The following XKR7 variants were observed in gnomAD, a reference collection of about 807,000 sequenced individuals.
XKR7 encodes the protein XK related 7.
Under a neutral mutation model 42.2 loss-of-function variants are expected in XKR7, and 11 were observed. The ratio of observed to expected loss-of-function variants is 0.26; its 90% confidence interval spans 0.16 to 0.43. The LOEUF is 0.43. Ranked by LOEUF, XKR7 falls within the 20% of genes least tolerant of loss-of-function variation. The pLI is 1.00. For synonymous variants in XKR7, 346 were observed against 366.4 expected, an observed-to-expected ratio of 0.94 and a Z score of 0.64; for missense variants, 710 against 802.2, an observed-to-expected ratio of 0.89 and a Z score of 1.39.
chr20:31,985,869 A>T, intron 1 of XKR7, among the ~76,000 whole-genome samples: 1 of 142,662 alleles, frequency 7.0e-6, no homozygotes. Flanking sequence ...CCCAGCATCC[A>T]GACACAGACA....
chr20:31,996,459 G>T (rs1600663816), intron 2 of XKR7, 46 bp from the exon 3 acceptor site: 5 of 261,516 alleles, frequency 1.9e-5, no homozygotes, highest in Non-Finnish European at 2.5e-5. Context: ...CCCAACCCGA[G>T]CCCGCCCCTA....
At chr20:31,986,566 C>A (rs2064541556) in intron 1 of XKR7, among the ~76,000 whole-genome samples, 2 of 87,920 alleles carry the variant, frequency 2.3e-5, no homozygotes. Context: ...ACAGACAGAC[C>A]ACCAAGCAGA....
Position 31,995,209 on chromosome 20 carries a change from G to A in XKR7, c.726G>A (p.Pro242=). ...TGGAGACCTTCCTGCGCAGCGCGCCGCAGCTAGTGCTGCAGCTCAGCCTGC... is the reference window on the plus strand; with the variant it reads ...TGGAGACCTTCCTGCGCAGCGCGCCACAGCTAGTGCTGCAGCTCAGCCTGC... ...RLLETFLRSA[P]QLVLQLSLLV... is the part of the protein sequence containing the mutation. Residue 242 remains proline (P), a synonymous_variant, in exon 2 of 3, where the codon CCG becomes CCA. Transcript: ENST00000562532. This position sits in a 1 kb window ranked among gnomAD's most constrained non-coding sequence, Gnocchi z 4.1. 6.5e-7 allele frequency: 1 copy of A among 1,545,552 alleles called. No homozygotes were observed. The highest frequency in any genetic ancestry group is 2.4e-5 in the East Asian group (1 of 40,942).
chr20:31,984,588 C>T (rs1033587398), intron 1 of XKR7, among the ~76,000 whole-genome samples: 2 of 152,214 alleles, frequency 1.3e-5, no homozygotes, highest in Non-Finnish European at 2.9e-5. Flanking sequence ...CATCGAGGAG[C>T]TGGGCTTTCC....
chr20:31,971,493 T>C (rs1336776913), intron 1 of XKR7, among the ~76,000 whole-genome samples: 1 of 152,172 alleles, frequency 6.6e-6, no homozygotes, highest in African/African-American at 2.4e-5. Context: ...CCAGAGAAGG[T>C]ATAGAGAAGC....
At chr20:31,981,577 A>T (rs1237003343) in intron 1 of XKR7, among the ~76,000 whole-genome samples, 1 of 152,088 alleles carries the variant, frequency 6.6e-6, no homozygotes, top group Non-Finnish European at 1.5e-5. Flanking sequence ...CTGTAATCCC[A>T]GCTACTCGGG....
intron 1 of XKR7, among the ~76,000 whole-genome samples, chr20:31,986,937 C>A (rs1032224379): frequency 6.7e-6 from 1 of 148,948 alleles, no homozygotes; most frequent in African/African-American, 2.5e-5. Flanking sequence ...GACAAACAGA[C>A]GACCAAGCAG....
chr20:31,995,070 A>T lies in XKR7; in HGVS notation c.587A>T (p.Tyr196Phe). The T allele has an allele frequency of 6.5e-7, 1 of 1,543,748 alleles. No homozygotes were observed. The highest frequency in any genetic ancestry group is 8.7e-7 in the Non-Finnish European group (1 of 1,146,174). Residue 196 changes from tyrosine to phenylalanine, a missense_variant and splice_region_variant, in exon 2 of 3, where the codon TAC becomes TTC. By Grantham distance (22) the Tyr-to-Phe change is conservative. This residue lies in a region of XKR7 where 708 missense variants were observed against 786.2 expected (regional missense o/e 0.90). Coordinates refer to ENST00000562532, the MANE Select transcript of XKR7 (RefSeq NM_001011718.2). This position sits in a 1 kb window ranked among gnomAD's most constrained non-coding sequence, Gnocchi z 4.1. ...HLLQLGQVWRYLRALYLGLQS... is the reference protein window; with the variant it reads ...HLLQLGQVWRFLRALYLGLQS... ...TGAGCACCGCGTCCTTCCCGCAGGT[A>T]CCTGCGCGCCCTGTACCTGGGGCTG...
At chr20:31,978,009 C>T (rs773683624) in intron 1 of XKR7, among the ~76,000 whole-genome samples, 8 of 152,226 alleles carry the variant, frequency 5.3e-5, no homozygotes, top group Non-Finnish European at 1.0e-4. Flanking sequence ...GATGTTTAAC[C>T]ACCAGACCAC....
chr20:31,982,494 C>T (rs2064517884), intron 1 of XKR7, among the ~76,000 whole-genome samples: 1 of 150,314 alleles, frequency 6.7e-6, no homozygotes, highest in South Asian at 2.1e-4. Flanking sequence ...TACACTCCAG[C>T]CCAGGCGACA....
intron 1 of XKR7, among the ~76,000 whole-genome samples, chr20:31,974,635 T>G (rs140397939): frequency 9.9e-4 from 150 of 150,890 alleles, no homozygotes; most frequent in African/African-American, 3.2e-3. Context: ...TTAGACATTG[T>G]TATTTGTAAA....
Position 31,992,736 on chromosome 20 carries a change from A to T in XKR7, c.585-2332A>T, listed in dbSNP as rs574307317. ...GATGGGGAGGAGGGTCCTAAATGGG[A>T]TGTTCCTGGCCTCATTTTGCAGAGA... On this transcript the variant is annotated intron_variant, in intron 1 of 2. Transcript: ENST00000562532. Among the ~76,000 whole-genome samples the T allele has an allele frequency of 2.0e-5, 3 of 152,222 alleles. No homozygotes were observed. In the South Asian group the frequency reaches 6.2e-4, roughly 32 times the overall value.
chr20:31,976,478 C>A (rs529491809), intron 1 of XKR7, among the ~76,000 whole-genome samples: 5 of 151,982 alleles, frequency 3.3e-5, no homozygotes, highest in Admixed American at 3.3e-4. Context: ...TCTGCCTCCC[C>A]GGTTCAAGCG....
chr20:31,995,253 C>T lies in XKR7; in HGVS notation c.770C>T (p.Ala257Val). 6.5e-7 allele frequency: 1 copy of T among 1,537,854 alleles called. No homozygotes were observed. Among genetic ancestry groups the T allele is most frequent in the African/African-American group, 1.4e-5 (1 of 72,866 alleles). ...AGCCTGCTGGTGCACCGCGGTGGCG[C>T]GCCCGACCTGCTGCCGGGTGAGCCC... Reference protein sequence around the residue: ...QLSLLVHRGGAPDLLPALSTS... With the variant: ...QLSLLVHRGGVPDLLPALSTS... Residue 257 changes from alanine to valine, a missense_variant, in exon 2 of 3, where the codon GCG becomes GTG. By Grantham distance (64) the Ala-to-Val change is moderately conservative. This residue lies in a region of XKR7 where 708 missense variants were observed against 786.2 expected (regional missense o/e 0.90). Transcript: ENST00000562532. The surrounding 1 kb of genome is among the most constrained non-coding windows in gnomAD (Gnocchi z 4.1).
rs1479435288 is a variant in XKR7, at chr20:31,995,326, C to G, written c.787+56C>G. ...GGACCACCCCACCGGGCCTTTCTCC[C>G]TGCTTCAGGCTCCCTGGGGATGCCC... is the stretch of plus-strand genomic sequence containing the variant. On this transcript the variant is annotated intron_variant, in intron 2 of 2. Coordinates refer to ENST00000562532, the MANE Select transcript of XKR7 (RefSeq NM_001011718.2). This position sits in a 1 kb window ranked among gnomAD's most constrained non-coding sequence, Gnocchi z 4.1. 3.3e-6 allele frequency: 5 copies of G among 1,530,490 alleles called. No individual in the cohort carries two copies. In the East Asian group the frequency reaches 7.4e-5, roughly 23 times the overall value. The allele number at this position is 1,530,490 out of a possible 1,614,324, so 94.8% of individuals were successfully genotyped here.
At chr20:31,977,700 C>T (rs12480760) in intron 1 of XKR7, among the ~76,000 whole-genome samples, 38,605 of 152,044 alleles carry the variant, frequency 0.25, 5,102 homozygotes, top group Middle Eastern at 0.32. Context: ...CACTGACCCC[C>T]TATCGAGGAA....
intron 1 of XKR7, among the ~76,000 whole-genome samples, chr20:31,988,411 G>C (rs1434561881): frequency 6.6e-6 from 1 of 152,116 alleles, no homozygotes; most frequent in East Asian, 1.9e-4. Flanking sequence ...GAGGCAGTGG[G>C]GTTCAGAAGA....
chr20:31,975,925 A>G (rs1469574906), intron 1 of XKR7, among the ~76,000 whole-genome samples: 1 of 152,240 alleles, frequency 6.6e-6, no homozygotes, highest in Admixed American at 6.5e-5. Flanking sequence ...TGCCAGGTAG[A>G]GACTGCGAGG....
Position 31,997,343 on chromosome 20 carries a change from C to A in XKR7, c.1626C>A (p.Arg542=), listed in dbSNP as rs148650882. ...CCTGGGATGCTCATTTTATTGACCGCCGGCTCCGGAAGACCATCCTGGCAC... is the reference window on the plus strand; with the variant it reads ...CCTGGGATGCTCATTTTATTGACCGACGGCTCCGGAAGACCATCCTGGCAC... ...YPAWDAHFID[R]RLRKTILALE... Residue 542 remains arginine (R), a synonymous_variant, in exon 3 of 3, where the codon CGC becomes CGA. Transcript: ENST00000562532. 58 of 1,606,824 alleles carry A rather than the reference C, an allele frequency of 3.6e-5. No homozygotes were observed. In the African/African-American group the frequency reaches 6.7e-4, roughly 18 times the overall value.
Sources: gnomAD v4.1 joint callset for allele counts (sites outside exome capture counted in the v4.1 genomes callset) on GRCh38, gnomAD v4.1.1 for gene constraint, gnomAD v4.1.1 regional missense constraint, Gnocchi (gnomAD v3.1) non-coding constraint, MANE v1.5 for transcripts, NCBI Gene and HGNC (gene_info 2026-07-23, HGNC 2026-07-21) for gene names.